SFMBT2: variants seen among roughly 807,000 people sequenced by gnomAD.
SFMBT2 encodes the protein Scm like with four mbt domains 2, also known as scm-like with four MBT domains protein 2.
Under a neutral mutation model 110.1 loss-of-function variants are expected in SFMBT2, and 38 were observed. That is an observed-to-expected ratio of 0.35 (90% CI 0.27 to 0.45). The LOEUF (loss-of-function observed/expected upper bound fraction) is 0.45. Among genes scored for constraint, SFMBT2 ranks in the 20% least tolerant of loss-of-function variants. SFMBT2 has a pLI of 1.00. For synonymous variants in SFMBT2, 425 were observed against 425.4 expected, an observed-to-expected ratio of 1.00 and a Z score of 0.01; for missense variants, 1,011 against 1,094.9, an observed-to-expected ratio of 0.92 and a Z score of 1.08.
chr10:7,326,745 T>A (rs1334541385), intron 4 of SFMBT2, among the ~76,000 whole-genome samples: 1 of 152,202 alleles, frequency 6.6e-6, no homozygotes, highest in Non-Finnish European at 1.5e-5. Context: ...TGCAGTTAAC[T>A]CTCTAAAAAG....
intron 7 of SFMBT2, among the ~76,000 whole-genome samples, chr10:7,250,390 C>G (rs1292349547): frequency 6.7e-6 from 1 of 148,502 alleles, no homozygotes; most frequent in East Asian, 2.0e-4. Flanking sequence ...GCCTTCAGCT[C>G]CATCCATGTT....
At chr10:7,184,625 G>A (rs539521161) in intron 16 of SFMBT2, among the ~76,000 whole-genome samples, 1 of 152,082 alleles carries the variant, frequency 6.6e-6, no homozygotes, top group African/African-American at 2.4e-5. Context: ...AGCCAACACT[G>A]GTGTAACAAT....
At position 7,405,079 on chromosome 10, in the gene SFMBT2, T is replaced by C. The variant is rs925335632; in HGVS notation, c.-52+5782A>G. Among the ~76,000 whole-genome samples, 8 of 152,190 alleles carry C rather than the reference T, an allele frequency of 5.3e-5. 1 individual carries two copies. The highest frequency in any genetic ancestry group is 3.9e-4 in the Admixed American group (6 of 15,284). ...TCTTAGGAATTGTCCCAGAAATTTT[T>C]AGTCTAACAAAGAGAGGAAGACCTG... On this transcript the variant is annotated intron_variant, in intron 1 of 20. Coordinates refer to ENST00000397167, the MANE Select transcript of SFMBT2 (RefSeq NM_001387889.1).
rs776454666 is a variant in SFMBT2, at chr10:7,367,848, T to C, written c.237A>G (p.Lys79=). 6.2e-7 allele frequency: 1 copy of C among 1,614,186 alleles called. No homozygotes were observed. Among genetic ancestry groups the C allele is most frequent in the South Asian group, 1.1e-5 (1 of 91,082 alleles). The part of the protein sequence containing the change: ...SIQSNFQPGM[K]LEVANKNNPD... Reference sequence around the variant, plus strand: ...GGTTGTTCTTATTAGCCACTTCCAATTTCATTCCTGGCTGGAAGTTGCTCT... The same window carrying C: ...GGTTGTTCTTATTAGCCACTTCCAACTTCATTCCTGGCTGGAAGTTGCTCT... Residue 79 remains lysine (K), a synonymous_variant, in exon 4 of 21, where the codon AAA becomes AAG. Coordinates refer to ENST00000397167, the MANE Select transcript of SFMBT2 (RefSeq NM_001387889.1). The surrounding 1 kb of genome is among the most constrained non-coding windows in gnomAD (Gnocchi z 6.2).
At chr10:7,201,195 T>G (rs913177395) in intron 13 of SFMBT2, among the ~76,000 whole-genome samples, 2 of 152,226 alleles carry the variant, frequency 1.3e-5, no homozygotes, top group Non-Finnish European at 2.9e-5. Flanking sequence ...AGGCCATCTA[T>G]GGAGTGGTTC....
intron 1 of SFMBT2, among the ~76,000 whole-genome samples, chr10:7,385,881 T>A (rs958695571): frequency 6.6e-6 from 1 of 152,102 alleles, no homozygotes; most frequent in Non-Finnish European, 1.5e-5. Context: ...GCACCTGTAG[T>A]CCCAGCTACT....
intron 2 of SFMBT2, among the ~76,000 whole-genome samples, chr10:7,380,044 T>C (rs1845379084): frequency 6.6e-6 from 1 of 152,236 alleles, no homozygotes; most frequent in Admixed American, 6.5e-5. Flanking sequence ...TAATCCACGT[T>C]GGATGTGTGC....
chr10:7,399,660 A>G (rs1846020360), intron 1 of SFMBT2, among the ~76,000 whole-genome samples: 1 of 152,224 alleles, frequency 6.6e-6, no homozygotes, highest in Admixed American at 6.5e-5. Flanking sequence ...GAACTTGGAA[A>G]ATGTGCAGGA....
At chr10:7,197,356 C>A (rs139302389) in intron 15 of SFMBT2, among the ~76,000 whole-genome samples, 192 bp downstream of exon 15, 1 of 152,244 alleles carries the variant, frequency 6.6e-6, no homozygotes, top group East Asian at 1.9e-4. Flanking sequence ...GATGGGGAGC[C>A]TTTCATGGGT....
intron 9 of SFMBT2, among the ~76,000 whole-genome samples, chr10:7,228,719 CT>C (rs1324922515): frequency 1.6e-5 from 2 of 128,386 alleles, no homozygotes; most frequent in African/African-American, 3.3e-5. Flanking sequence ...TTCTTTCTTT[CT>C]TTCTTTCTTT....
intron 5 of SFMBT2, chr10:7,284,787 T>G: frequency 5.7e-6 from 1 of 175,350 alleles, no homozygotes; most frequent in Non-Finnish European, 1.1e-5. Flanking sequence ...TACTGCCCCT[T>G]CTAAGAAACC....
intron 4 of SFMBT2, among the ~76,000 whole-genome samples, chr10:7,339,403 T>C (rs995137095): frequency 2.6e-5 from 4 of 152,304 alleles, no homozygotes; most frequent in Middle Eastern, 6.8e-3. Context: ...CAAAAATAAA[T>C]GGATATGTTC....
At chr10:7,239,515 C>T (rs1449066051) in intron 9 of SFMBT2, among the ~76,000 whole-genome samples, 1 of 152,086 alleles carries the variant, frequency 6.6e-6, no homozygotes, top group Non-Finnish European at 1.5e-5. Flanking sequence ...CGTAAAACAC[C>T]ACTACCACAA....
intron 2 of SFMBT2, among the ~76,000 whole-genome samples, chr10:7,377,447 C>T (rs1027653326): frequency 1.3e-5 from 2 of 152,108 alleles, no homozygotes; most frequent in Admixed American, 1.3e-4. Flanking sequence ...ATTTATTGTG[C>T]ACTTTATTTC....
rs1463567674 is a variant in SFMBT2, at chr10:7,301,551, T to G, written c.437-15597A>C. Among the ~76,000 whole-genome samples, 1 of 152,046 alleles carries G rather than the reference T, an allele frequency of 6.6e-6. No homozygotes were observed. The highest frequency in any genetic ancestry group is 1.5e-5 in the Non-Finnish European group (1 of 67,992). ...AGTGGCACACTTTCCACTGAGACAG[T>G]GGGGGCAGGTCCCCGGGGCCGGCAA... is the stretch of plus-strand genomic sequence containing the variant. On this transcript the variant is annotated intron_variant, in intron 4 of 20. Transcript: ENST00000397167. The surrounding 1 kb of genome is among the most constrained non-coding windows in gnomAD (Gnocchi z 4.2).
At chr10:7,361,870 T>C (rs900867108) in intron 4 of SFMBT2, among the ~76,000 whole-genome samples, 21 of 152,188 alleles carry the variant, frequency 1.4e-4, no homozygotes, top group Admixed American at 7.2e-4. Context: ...AGCATCTTTT[T>C]GGGGGCTCGG....
chr10:7,297,776 G>A (rs1024109965), intron 4 of SFMBT2, among the ~76,000 whole-genome samples: 3 of 152,158 alleles, frequency 2.0e-5, no homozygotes, highest in South Asian at 2.1e-4. Context: ...TTATAAATTC[G>A]CTATAAATTT....
At chr10:7,330,709 C>G (rs1019378002) in intron 4 of SFMBT2, among the ~76,000 whole-genome samples, 2 of 152,160 alleles carry the variant, frequency 1.3e-5, no homozygotes, top group African/African-American at 4.8e-5. Flanking sequence ...TATCCCCCAT[C>G]ACTCCCTCTC....
chr10:7,390,522 G>T (rs1321065634), intron 1 of SFMBT2, among the ~76,000 whole-genome samples: 1 of 152,066 alleles, frequency 6.6e-6, no homozygotes, highest in African/African-American at 2.4e-5. Flanking sequence ...TATTACGTGT[G>T]TCATACAAAG....
Sources: allele counts gnomAD v4.1 joint callset (sites outside exome capture counted in the v4.1 genomes callset), GRCh38; gene constraint gnomAD v4.1.1; non-coding constraint Gnocchi (gnomAD v3.1); transcripts MANE v1.5; gene names NCBI Gene and HGNC (gene_info 2026-07-23, HGNC 2026-07-21).